Variants in NUMB observed in about 807,000 individuals in gnomAD.
NUMB encodes protein numb homolog.
In NUMB, 29 loss-of-function variants were observed where a neutral mutation model predicts 59.7. The ratio of observed to expected loss-of-function variants is 0.49; its 90% CI spans 0.36 to 0.66. The LOEUF is 0.66. Among genes scored for constraint, NUMB ranks in the 30% least tolerant of loss-of-function variants. The pLI, the probability that NUMB is intolerant of heterozygous loss-of-function variation, is 0.00. For synonymous variants in NUMB, 288 were observed against 288.2 expected, an observed-to-expected ratio of 1.00 and a Z score of 0.01; for missense variants, 723 against 822.0, an observed-to-expected ratio of 0.88 and a Z score of 1.47.
intron 1 of NUMB, among the ~76,000 whole-genome samples, chr14:73,443,321 T>C (rs1272354253): frequency 6.6e-6 from 1 of 152,114 alleles, no homozygotes; most frequent in Non-Finnish European, 1.5e-5. Flanking sequence ...AAAGGATGGG[T>C]ACAGTGGCTC....
intron 4 of NUMB, among the ~76,000 whole-genome samples, chr14:73,337,722 TTG>T (rs1156368646): frequency 6.6e-6 from 1 of 152,142 alleles, no homozygotes; most frequent in Non-Finnish European, 1.5e-5. Context: ...GACTATATTA[TTG>T]TGTTAGTAGA....
chr14:73,395,957 T>C (rs907411446), intron 2 of NUMB, among the ~76,000 whole-genome samples: 4 of 152,234 alleles, frequency 2.6e-5, no homozygotes, highest in Non-Finnish European at 5.9e-5. Flanking sequence ...TTCTTCTATA[T>C]ATGGAAAATA....
At chr14:73,402,876 G>A (rs887110791) in intron 2 of NUMB, among the ~76,000 whole-genome samples, 4 of 152,180 alleles carry the variant, frequency 2.6e-5, no homozygotes, top group African/African-American at 9.7e-5. Flanking sequence ...AGTTAAATGT[G>A]TATTATGTAA....
chr14:73,355,319 G>A (rs1195412700), intron 4 of NUMB, among the ~76,000 whole-genome samples: 1 of 152,162 alleles, frequency 6.6e-6, no homozygotes, highest in Non-Finnish European at 1.5e-5. Flanking sequence ...CTGAAAATTT[G>A]AGTCCTGATA....
chr14:73,418,142 T>C (rs962270247), intron 1 of NUMB, among the ~76,000 whole-genome samples: 2 of 152,110 alleles, frequency 1.3e-5, no homozygotes, highest in African/African-American at 4.8e-5. Flanking sequence ...AAATGGAATA[T>C]TCAGCCTTTA....
intron 1 of NUMB, among the ~76,000 whole-genome samples, chr14:73,437,041 CTTTTTTTT>C (rs71112755): frequency 9.4e-6 from 1 of 106,664 alleles, no homozygotes; most frequent in Non-Finnish European, 1.9e-5. Flanking sequence ...TTTTCTCTCT[CTTTTTTTT>C]TTTTTTTTTT....
chr14:73,279,498 A>C, intron 11 of NUMB, 74 bp from the exon 12 acceptor site: 1 of 1,418,790 alleles, frequency 7.0e-7, no homozygotes, highest in Non-Finnish European at 9.5e-7. Context: ...GAGCTGTGTC[A>C]GTCAGGTGAA....
At chr14:73,394,432 G>C (rs1296178165) in intron 2 of NUMB, among the ~76,000 whole-genome samples, 6 of 148,888 alleles carry the variant, frequency 4.0e-5, no homozygotes, top group Non-Finnish European at 7.4e-5. Context: ...AAGAGAGAGA[G>C]ATTGTCTCAC....
chr14:73,305,066 C>T (rs543930249), intron 6 of NUMB, among the ~76,000 whole-genome samples: 214 of 152,216 alleles, frequency 1.4e-3, no homozygotes, highest in African/African-American at 4.8e-3. Flanking sequence ...CGCGCCTGGC[C>T]GAAATGAGTT....
chr14:73,371,624 A>C (rs1894676406), intron 2 of NUMB, among the ~76,000 whole-genome samples: 1 of 152,168 alleles, frequency 6.6e-6, no homozygotes, highest in Admixed American at 6.5e-5. Flanking sequence ...TATGACTTGA[A>C]TAGGTCCCCC....
chr14:73,415,796 T>G (rs17127366), intron 1 of NUMB, among the ~76,000 whole-genome samples: 7,836 of 152,036 alleles, frequency 0.052, 652 homozygotes, highest in African/African-American at 0.18. Context: ...AAAACCAATA[T>G]TCCAACGATG....
intron 2 of NUMB, among the ~76,000 whole-genome samples, chr14:73,407,737 C>T (rs879930385): frequency 5.9e-5 from 9 of 152,152 alleles, no homozygotes; most frequent in Non-Finnish European, 8.8e-5. Context: ...CTTCTGCTTC[C>T]TAAAGCCTAT....
intron 2 of NUMB, among the ~76,000 whole-genome samples, chr14:73,401,867 C>A (rs1003106945): frequency 6.7e-6 from 1 of 149,514 alleles, no homozygotes; most frequent in African/African-American, 2.5e-5. Flanking sequence ...CCACATCCGG[C>A]CTAAATTTGT....
chr14:73,296,521 C>CA (rs1241354470), intron 7 of NUMB, among the ~76,000 whole-genome samples: 10 of 151,258 alleles, frequency 6.6e-5, no homozygotes, highest in African/African-American at 2.4e-4. Flanking sequence ...TCATGTAGAA[C>CA]AATATGTTGA....
At chr14:73,348,187 G>A (rs1490600386) in intron 4 of NUMB, among the ~76,000 whole-genome samples, 1 of 152,096 alleles carries the variant, frequency 6.6e-6, no homozygotes, top group African/African-American at 2.4e-5. Flanking sequence ...CATCTACCTC[G>A]AGAATATGGA....
intron 3 of NUMB, among the ~76,000 whole-genome samples, chr14:73,362,070 A>G (rs1224029244): frequency 6.6e-6 from 1 of 152,142 alleles, no homozygotes; most frequent in African/African-American, 2.4e-5. Flanking sequence ...CAGCCTGGAC[A>G]ACATGGCAAA....
intron 2 of NUMB, among the ~76,000 whole-genome samples, chr14:73,392,870 CTGG>C (rs1895918553): frequency 6.6e-6 from 1 of 151,974 alleles, no homozygotes; most frequent in Non-Finnish European, 1.5e-5. Context: ...GATCCTTAAC[CTGG>C]TCCACACATG....
chr14:73,409,121 C>T (rs1019637866), intron 2 of NUMB: 1 of 152,112 alleles, frequency 6.6e-6, no homozygotes, highest in Admixed American at 6.5e-5. Context: ...ATGCCTACAA[C>T]GTTAGATTCC....
intron 2 of NUMB, among the ~76,000 whole-genome samples, chr14:73,396,694 T>C (rs1038933079): frequency 3.3e-5 from 5 of 152,082 alleles, no homozygotes; most frequent in Non-Finnish European, 5.9e-5. Context: ...AATATGCAAC[T>C]AAAGACCTTA....
Sources: gnomAD v4.1 joint callset for allele counts (sites outside exome capture counted in the v4.1 genomes callset) on GRCh38, gnomAD v4.1.1 for gene constraint, MANE v1.5 for transcripts, NCBI Gene and HGNC (gene_info 2026-07-23, HGNC 2026-07-21) for gene names.